The following RPAIN variants were observed in gnomAD, a reference collection of about 807,000 sequenced individuals.
RPAIN encodes the protein RPA interacting protein.
RPAIN carries 29 observed loss-of-function variants against 30.5 expected under a neutral mutation model. That is an observed-to-expected ratio of 0.95 (90% CI 0.71 to 1.30). The LOEUF is 1.30. Ranked by LOEUF, RPAIN falls within the 50% of genes most tolerant of loss-of-function variation. The probability of loss-of-function intolerance (pLI) is 0.00; values close to 1 mark genes in which losing one functional copy is unlikely to be tolerated. For synonymous variants in RPAIN, 101 were observed against 93.5 expected, an observed-to-expected ratio of 1.08 and a Z score of -0.46; for missense variants, 247 against 264.7, an observed-to-expected ratio of 0.93 and a Z score of 0.46.
chr17:5,431,472 G>A lies in RPAIN; in HGVS notation c.631-1070G>A, dbSNP rs755578607. ...ATTGCGCTCCAGGCTGGGTGACAGC[G>A]AGATTGTGCCTTAAAAAAAAAAAAA... On this transcript the variant is annotated intron_variant, in intron 6 of 6. Transcript: ENST00000381209. 7.0e-5 allele frequency: 26 copies of A among 371,346 alleles called. 1 individual carries two copies. Among genetic ancestry groups the A allele is most frequent in the South Asian group, 4.1e-4 (23 of 55,912 alleles). The allele number at this position is 371,346 out of a possible 1,614,324, so 23.0% of individuals were successfully genotyped here.
intron 6 of RPAIN, chr17:5,432,188 TCTTCCTGCTGGGC>T: frequency 4.1e-6 from 1 of 242,036 alleles, no homozygotes; most frequent in Non-Finnish European, 8.1e-6. Context: ...TGGAGTCTCA[TCTTCCTGCTGGGC>T]TCTAAAAGCT....
chr17:5,425,385 G>A, intron 3 of RPAIN: 1 of 450,316 alleles, frequency 2.2e-6, no homozygotes, highest in South Asian at 1.6e-5. Flanking sequence ...ACTCAGGCTG[G>A]AGTGCAGTGG....
intron 3 of RPAIN, among the ~76,000 whole-genome samples, chr17:5,424,278 C>T (rs1456706696): frequency 6.6e-6 from 1 of 152,090 alleles, no homozygotes; most frequent in Non-Finnish European, 1.5e-5. Context: ...CAGGCATGAG[C>T]CAAAATGCCT....
At chr17:5,425,750 G>C (rs980747710) in intron 3 of RPAIN, among the ~76,000 whole-genome samples, 1 of 152,148 alleles carries the variant, frequency 6.6e-6, no homozygotes, top group Non-Finnish European at 1.5e-5. Flanking sequence ...TCGGCCCTTA[G>C]CCTACTTCAC....
chr17:5,428,036 T>C, intron 5 of RPAIN, 35 bp from the exon 6 acceptor site: 1 of 1,609,364 alleles, frequency 6.2e-7, no homozygotes, highest in Non-Finnish European at 8.5e-7. Flanking sequence ...GGCTATCAAG[T>C]CACTGAGAGG....
rs959906392 is a variant in RPAIN, at chr17:5,432,752, G to T, written c.*181G>T. On this transcript the variant is annotated 3_prime_UTR_variant, in exon 7 of 7. Transcript: ENST00000381209. ...TCTTTTGTGACGCAGGTTGAAGGGG[G>T]AGGAATAGAAAAAGACAAACTGCCT... 5 of 765,058 alleles carry T rather than the reference G, an allele frequency of 6.5e-6. No homozygotes were observed. Among genetic ancestry groups the T allele is most frequent in the Non-Finnish European group, 1.0e-5 (5 of 496,240 alleles). The allele number at this position is 765,058 out of a possible 1,614,324, so 47.4% of individuals were successfully genotyped here.
chr17:5,432,677 C>T lies in RPAIN; in HGVS notation c.*106C>T. ...ATTTATAACTTATTTTGTATTGAAA[C>T]TTTTAAACAATACTGAAGAAAAAAA... On this transcript the variant is annotated 3_prime_UTR_variant, in exon 7 of 7. Coordinates refer to ENST00000381209, the MANE Select transcript of RPAIN (RefSeq NM_001033002.4). 1 of 1,163,310 alleles carries T rather than the reference C, an allele frequency of 8.6e-7. No homozygotes were observed. Among genetic ancestry groups the T allele is most frequent in the Non-Finnish European group, 1.3e-6 (1 of 797,646 alleles). 72.1% of individuals were successfully genotyped at this position (1,163,310 alleles called of 1,614,324 possible).
chr17:5,421,270 C>A, intron 1 of RPAIN, 26 bp from the exon 2 acceptor site: 1 of 1,550,324 alleles, frequency 6.5e-7, no homozygotes, highest in Non-Finnish European at 8.7e-7. Flanking sequence ...TTTTTTTTCC[C>A]CCCCAATCTT....
Position 5,426,005 on chromosome 17 carries a change from G to C in RPAIN, c.348G>C (p.Leu116Phe). 1 of 1,613,956 alleles carries C rather than the reference G, an allele frequency of 6.2e-7. No individual in the cohort carries two copies. The highest frequency in any genetic ancestry group is 1.1e-5 in the South Asian group (1 of 90,974). Residue 116 changes from leucine (L) to phenylalanine (F), a missense_variant, in exon 4 of 7, where the codon TTG becomes TTC. Coordinates refer to ENST00000381209, the MANE Select transcript of RPAIN (RefSeq NM_001033002.4). Reference protein sequence around the residue: ...QSIISEYEKSLQFDEKCLSIM... With the variant: ...QSIISEYEKSFQFDEKCLSIM... ...TCATCAGCGAGTATGAGAAGAGCTT[G>C]CAGTTTGATGAAAAGTGTCTCAGCA...
chr17:5,431,181 G>A (rs1195454262), intron 6 of RPAIN: 2 of 325,328 alleles, frequency 6.1e-6, no homozygotes, highest in East Asian at 9.8e-5. Context: ...GGGAGGTGGG[G>A]GTCACAGCAA....
At position 5,432,722 on chromosome 17, in the gene RPAIN, CTTGGTCTTTTGTG is replaced by C; in HGVS notation, c.*152_*164del. ...AAAAAAAACTTTTCCGACATCTGTT[CTTGGTCTTTTGTG>C]ACGCAGGTTGAAGGGGGAGGAATAG... is the stretch of plus-strand genomic sequence containing the variant. On this transcript the variant is annotated 3_prime_UTR_variant, in exon 7 of 7. Transcript: ENST00000381209. The C allele has an allele frequency of 1.1e-6, 1 of 870,956 alleles. No homozygotes were observed. The highest frequency in any genetic ancestry group is 2.8e-5 in the Admixed American group (1 of 35,604). 54.0% of individuals were successfully genotyped at this position (870,956 alleles called of 1,614,324 possible). A position where few individuals can be genotyped will look rare whatever the true frequency, so the allele number is the denominator to read the frequency against.
chr17:5,430,092 CG>C, intron 6 of RPAIN: 1 of 152,918 alleles, frequency 6.5e-6, no homozygotes, highest in Non-Finnish European at 1.5e-5. Flanking sequence ...CGCTTGAACC[CG>C]GGAGGCGGAG....
Position 5,422,806 on chromosome 17 carries a change from T to C in RPAIN, c.290T>C (p.Ile97Thr). Residue 97 changes from isoleucine to threonine, a missense_variant, in exon 3 of 7, where the codon ATT (isoleucine) becomes ACT (threonine). Coordinates refer to ENST00000381209, the MANE Select transcript of RPAIN (RefSeq NM_001033002.4). ...ATAGACATGGCTGTGCTGGAGGAAA[T>C]TCAACAGGAGCTGATCAACCAAGGT... The part of the protein sequence containing the change: ...ELIDMAVLEE[I>T]QQELINQEQS... 6.2e-7 allele frequency: 1 copy of C among 1,613,152 alleles called. No homozygotes were observed. The highest frequency in any genetic ancestry group is 8.5e-7 in the Non-Finnish European group (1 of 1,179,390).
intron 1 of RPAIN, among the ~76,000 whole-genome samples, chr17:5,420,611 T>C (rs1234735202): frequency 6.7e-6 from 1 of 150,200 alleles, no homozygotes. Flanking sequence ...TCTTGTGAGA[T>C]AGAGATGATT....
At position 5,422,717 on chromosome 17, in the gene RPAIN, T is replaced by G. The variant is rs148727475; in HGVS notation, c.253-52T>G. On this transcript the variant is annotated intron_variant, in intron 2 of 6. Coordinates refer to ENST00000381209, the MANE Select transcript of RPAIN (RefSeq NM_001033002.4). ...CTCCAAGTATGAATCACTGTGGGGC[T>G]TGGTTGGTGATTAATACTTCAAACT... 2.3e-4 allele frequency: 348 copies of G among 1,534,174 alleles called. 2 individuals are homozygous for G. In the Admixed American group the frequency reaches 5.7e-3, roughly 25 times the overall value.
chr17:5,420,463 T>G (rs1211715987), intron 1 of RPAIN, among the ~76,000 whole-genome samples, 172 bp downstream of exon 1: 2 of 152,142 alleles, frequency 1.3e-5, no homozygotes, highest in Non-Finnish European at 2.9e-5. Context: ...GGTCAAGTCC[T>G]AGAAAGCCTT....
At chr17:5,428,517 C>G (rs1387946828) in intron 6 of RPAIN, 4 of 1,366,390 alleles carry the variant, frequency 2.9e-6, no homozygotes, top group Non-Finnish European at 3.8e-6. Context: ...ATTTCATAGT[C>G]ATAAGACCCA....
At chr17:5,424,593 A>T (rs1915201662) in intron 3 of RPAIN, among the ~76,000 whole-genome samples, 1 of 152,232 alleles carries the variant, frequency 6.6e-6, no homozygotes. Flanking sequence ...CAAGCTCTTG[A>T]GTCATACCTC....
At chr17:5,428,444 G>C in intron 6 of RPAIN, 1 of 1,441,040 alleles carries the variant, frequency 6.9e-7, no homozygotes, top group Middle Eastern at 2.6e-4. Context: ...CTGGGAGTTA[G>C]GACGCCTGGC....
Sources: gnomAD v4.1 joint callset for allele counts (sites outside exome capture counted in the v4.1 genomes callset) on GRCh38, gnomAD v4.1.1 for gene constraint, MANE v1.5 for transcripts, NCBI Gene and HGNC (gene_info 2026-07-23, HGNC 2026-07-21) for gene names.